The following PDS5A variants were observed in gnomAD, a reference collection of about 807,000 sequenced individuals.
The protein encoded by PDS5A is sister chromatid cohesion protein PDS5 homolog A.
Under a neutral mutation model 167.1 loss-of-function variants are expected in PDS5A, and 42 were observed. That is an observed-to-expected ratio of 0.25 (90% confidence interval 0.20 to 0.33). The LOEUF (loss-of-function observed/expected upper bound fraction) is 0.33, where lower values mean the gene tolerates loss of function less well. Ranked by LOEUF, PDS5A falls within the 10% of genes least tolerant of loss-of-function variation. The pLI, the probability that PDS5A is intolerant of heterozygous loss-of-function variation, is 1.00. For missense variants in PDS5A, 1,033 were observed against 1,605.9 expected (o/e 0.64, Z 6.10); for synonymous variants, 553 against 554.6 (o/e 1.00, Z 0.04).
At chr4:39,845,380 TATAA>T (rs1717503289) in intron 29 of PDS5A, among the ~76,000 whole-genome samples, 1 of 152,180 alleles carries the variant, frequency 6.6e-6, no homozygotes, top group Non-Finnish European at 1.5e-5. Flanking sequence ...TAAATGCTCC[TATAA>T]ATAAACTATT....
intron 2 of PDS5A, chr4:39,973,807 A>G (rs1310680196): frequency 8.2e-7 from 1 of 1,222,732 alleles, no homozygotes; most frequent in African/African-American, 1.5e-5. Flanking sequence ...AGGTTACTTC[A>G]TGGCAGCTAT....
At chr4:39,956,864 G>A (rs1560516762) in intron 2 of PDS5A, among the ~76,000 whole-genome samples, 2 of 152,036 alleles carry the variant, frequency 1.3e-5, no homozygotes, top group Admixed American at 1.3e-4. Context: ...TAGAGAAGAG[G>A]TTTTGCCATG....
At chr4:39,900,347 C>G in intron 14 of PDS5A, 79 bp downstream of exon 14, 1 of 823,834 alleles carries the variant, frequency 1.2e-6, no homozygotes, top group Non-Finnish European at 2.0e-6. Flanking sequence ...TACTTTTTCC[C>G]TGCTTCATTA....
At chr4:39,976,764 G>A in intron 1 of PDS5A, 147 bp from the exon 2 acceptor site, 3 of 476,802 alleles carry the variant, frequency 6.3e-6, no homozygotes, top group Non-Finnish European at 7.4e-6. Context: ...CTTTCCCAGG[G>A]ATCGAACCCC....
Position 39,976,602 on chromosome 4 carries a change from A to G in PDS5A, c.-25T>C. 6.3e-7 allele frequency: 1 copy of G among 1,594,404 alleles called. No homozygotes were observed. The highest frequency in any genetic ancestry group is 8.6e-7 in the Non-Finnish European group (1 of 1,165,844). ...TCCTGGGGGACAACTTTTGGTTCAC[A>G]GTCCTCTACCGGCCTCTATCGGTCA... On this transcript the variant is annotated 5_prime_UTR_variant, in exon 2 of 33. Coordinates refer to ENST00000303538, the MANE Select transcript of PDS5A (RefSeq NM_001100399.2).
At chr4:39,951,309 A>T (rs1728331254) in intron 2 of PDS5A, among the ~76,000 whole-genome samples, 2 of 152,194 alleles carry the variant, frequency 1.3e-5, no homozygotes, top group Admixed American at 6.6e-5. Flanking sequence ...TAATTGCCAG[A>T]TCTACTGTCT....
chr4:39,845,159 G>T (rs892435615), intron 29 of PDS5A, among the ~76,000 whole-genome samples: 1 of 152,106 alleles, frequency 6.6e-6, no homozygotes, highest in African/African-American at 2.4e-5. Context: ...AGTGAGCTGA[G>T]ATCGCAACAT....
chr4:39,874,357 T>C lies in PDS5A; in HGVS notation c.2209A>G (p.Lys737Glu), dbSNP rs1720293037. ...KAKRGTPHQA[K>E]QAVHCIHAIF... ...GCGTGTATACAGTGCACAGCCTGTT[T>C]TGCTTGGTGTGGAGTACCCCTCTTT... Residue 737 changes from lysine to glutamate, a missense_variant, in exon 20 of 33, where the codon AAA becomes GAA. Physicochemically the swap from Lys to Glu is moderately conservative, Grantham distance 56. This residue lies in a region of PDS5A where 367 missense variants were observed against 686.7 expected (regional missense o/e 0.53). Transcript: ENST00000303538. 1 of 1,613,128 alleles carries C rather than the reference T, an allele frequency of 6.2e-7. No homozygotes were observed. The highest frequency in any genetic ancestry group is 8.5e-7 in the Non-Finnish European group (1 of 1,179,130).
Position 39,843,915 on chromosome 4 carries a change from G to C in PDS5A, c.3548+741C>G, listed in dbSNP as rs541186862. On this transcript the variant is annotated intron_variant, in intron 30 of 32. Transcript: ENST00000303538. The stretch of plus-strand genomic sequence containing the variant: ...ATCCCAGCACTTTGGGAGGCTGAAG[G>C]GGGTGGATCACTTGAGCCCAGGAGA... Among the ~76,000 whole-genome samples, 13 of 150,602 alleles carry C rather than the reference G, an allele frequency of 8.6e-5. No homozygotes were observed. In the South Asian group the frequency reaches 2.5e-3, roughly 29 times the overall value.
intron 17 of PDS5A, among the ~76,000 whole-genome samples, chr4:39,883,346 A>C (rs749700255): frequency 4.6e-5 from 7 of 151,858 alleles, no homozygotes; most frequent in Non-Finnish European, 8.8e-5. Context: ...ACACCTGGCT[A>C]ATTTTTGTAC....
At chr4:39,888,156 G>A (rs1486965354) in intron 17 of PDS5A, among the ~76,000 whole-genome samples, 1 of 141,230 alleles carries the variant, frequency 7.1e-6, no homozygotes, top group Non-Finnish European at 1.5e-5. Context: ...GGCTGACGCA[G>A]AACTGCGTGA....
At chr4:39,853,193 G>A (rs570608602) in intron 26 of PDS5A, among the ~76,000 whole-genome samples, 3 of 152,208 alleles carry the variant, frequency 2.0e-5, no homozygotes, top group Admixed American at 1.3e-4. Context: ...CTCTTGTCTT[G>A]GCCTCTCAAC....
chr4:39,890,368 T>G lies in PDS5A; in HGVS notation c.1771-4A>C, dbSNP rs199877230. On this transcript the variant is annotated splice_polypyrimidine_tract_variant and splice_region_variant and intron_variant, in intron 16 of 32. Transcript: ENST00000303538. Reference sequence around the variant, plus strand: ...CAAGTTTCCGGGCTATTTCTCTCTATAGAAAGAAAGGAGTTTTACCAAAAA... The same window carrying G: ...CAAGTTTCCGGGCTATTTCTCTCTAGAGAAAGAAAGGAGTTTTACCAAAAA... 2.4e-4 allele frequency: 359 copies of G among 1,496,126 alleles called. 1 individual carries two copies. In the African/African-American group the frequency reaches 4.4e-3, roughly 18 times the overall value. The allele number at this position is 1,496,126 out of a possible 1,614,324, so 92.7% of individuals were successfully genotyped here.
At chr4:39,857,839 T>C (rs1341021272) in intron 26 of PDS5A, among the ~76,000 whole-genome samples, 2 of 152,194 alleles carry the variant, frequency 1.3e-5, no homozygotes, top group African/African-American at 4.8e-5. Flanking sequence ...TTTTTCTTTT[T>C]AATTTTTAAA....
chr4:39,849,430 C>T lies in PDS5A; in HGVS notation c.3219+90G>A, dbSNP rs549128309. ...AAACATTCTAAAATTTAAATTACTA[C>T]GTATGGCCAAAAAAAAAAAAAAAAA... is the stretch of plus-strand genomic sequence containing the variant. On this transcript the variant is annotated intron_variant, in intron 27 of 32. Coordinates refer to ENST00000303538, the MANE Select transcript of PDS5A (RefSeq NM_001100399.2). 1.4e-4 allele frequency: 109 copies of T among 771,918 alleles called. No individual in the cohort carries two copies. In the East Asian group the frequency reaches 2.2e-3, roughly 16 times the overall value. The allele number at this position is 771,918 out of a possible 1,614,324, so 47.8% of individuals were successfully genotyped here. A position where few individuals can be genotyped will look rare whatever the true frequency, so the allele number is the denominator to read the frequency against.
chr4:39,967,953 T>C (rs1730142239), intron 2 of PDS5A, among the ~76,000 whole-genome samples: 1 of 151,566 alleles, frequency 6.6e-6, no homozygotes, highest in Non-Finnish European at 1.5e-5. Context: ...AAAACACCAA[T>C]AATTATCAAG....
At chr4:39,920,828 T>G (rs192875822) in intron 6 of PDS5A, among the ~76,000 whole-genome samples, 2 of 152,104 alleles carry the variant, frequency 1.3e-5, no homozygotes, top group Non-Finnish European at 2.9e-5. Flanking sequence ...TGGAGAAGAG[T>G]AGACCTGGTA....
chr4:39,853,325 T>C (rs1005306609), intron 26 of PDS5A, among the ~76,000 whole-genome samples: 3 of 152,230 alleles, frequency 2.0e-5, no homozygotes, highest in African/African-American at 7.2e-5. Flanking sequence ...TTTAGAATTG[T>C]TTAATGCTAC....
chr4:39,891,576 A>T (rs1458113292), intron 16 of PDS5A, among the ~76,000 whole-genome samples: 2 of 151,648 alleles, frequency 1.3e-5, no homozygotes, highest in Non-Finnish European at 2.9e-5. Flanking sequence ...TGAACCTGGG[A>T]GGCGGAGGCT....
Sources: allele counts gnomAD v4.1 joint callset (sites outside exome capture counted in the v4.1 genomes callset), GRCh38; gene constraint gnomAD v4.1.1; regional missense constraint gnomAD v4.1.1; transcripts MANE v1.5; gene names NCBI Gene and HGNC (gene_info 2026-07-23, HGNC 2026-07-21).